NLGN1: variants seen among roughly 807,000 people sequenced by gnomAD.
NLGN1 encodes the protein neuroligin-1.
NLGN1 carries 12 observed loss-of-function variants against 65.5 expected under a neutral mutation model. The ratio of observed to expected loss-of-function variants is 0.18; its 90% CI spans 0.12 to 0.30. NLGN1 has a LOEUF of 0.30. Ranked by LOEUF, NLGN1 falls within the 10% of genes least tolerant of loss-of-function variation. NLGN1 has a pLI of 1.00. For missense variants in NLGN1, 750 were observed against 1,007.1 expected, an observed-to-expected ratio of 0.74 and a Z score of 3.46; for synonymous variants, 350 against 359.5, an observed-to-expected ratio of 0.97 and a Z score of 0.30.
intron 2 of NLGN1, among the ~76,000 whole-genome samples, chr3:173,499,403 C>T (rs1389805977): frequency 6.6e-6 from 1 of 151,658 alleles, no homozygotes; most frequent in African/African-American, 2.4e-5. Flanking sequence ...TGTTCTGTTC[C>T]ATTGGTCTAT....
exon 7 of NLGN1, chr3:174,284,554 TATTTC>T (rs1189113610): frequency 6.6e-6 from 1 of 151,400 alleles, no homozygotes; most frequent in Non-Finnish European, 1.5e-5. Flanking sequence ...AAATGAACTT[TATTTC>T]ATTGTTTTGC....
intron 4 of NLGN1, among the ~76,000 whole-genome samples, chr3:173,996,212 A>C (rs892905944): frequency 6.6e-6 from 1 of 152,210 alleles, no homozygotes; most frequent in African/African-American, 2.4e-5. Context: ...TCTATAATTT[A>C]CATAATGGTT....
intron 3 of NLGN1, among the ~76,000 whole-genome samples, chr3:173,631,780 T>C (rs1755724040): frequency 6.6e-6 from 1 of 152,124 alleles, no homozygotes; most frequent in Admixed American, 6.6e-5. Flanking sequence ...TCTCATAAAT[T>C]TCTGGTCATT....
intron 4 of NLGN1, among the ~76,000 whole-genome samples, chr3:174,031,229 T>C (rs1366359578): frequency 6.6e-6 from 1 of 152,118 alleles, no homozygotes; most frequent in African/African-American, 2.4e-5. Context: ...CAGAGGCTTA[T>C]CCCAGTGAAG....
At chr3:173,725,904 C>A (rs573265175) in intron 3 of NLGN1, among the ~76,000 whole-genome samples, 1 of 152,064 alleles carries the variant, frequency 6.6e-6, no homozygotes, top group Non-Finnish European at 1.5e-5. Context: ...TAGATGCTGC[C>A]GCTGTTCCTT....
chr3:174,112,808 G>A (rs1715529906), intron 4 of NLGN1, among the ~76,000 whole-genome samples: 1 of 151,704 alleles, frequency 6.6e-6, no homozygotes, highest in South Asian at 2.1e-4. Context: ...ACCCATTATT[G>A]ATTAAAGAAT....
At chr3:174,231,637 A>G (rs1460750517) in intron 4 of NLGN1, among the ~76,000 whole-genome samples, 2 of 152,168 alleles carry the variant, frequency 1.3e-5, no homozygotes, top group South Asian at 2.1e-4. Context: ...GGTAATTCCT[A>G]ATTCTCTGCA....
intron 3 of NLGN1, among the ~76,000 whole-genome samples, chr3:173,650,179 T>G (rs1758924748): frequency 6.6e-6 from 1 of 152,084 alleles, no homozygotes; most frequent in African/African-American, 2.4e-5. Flanking sequence ...ACACAGACCA[T>G]GAATATCCAC....
chr3:173,551,301 A>G (rs575258713), intron 2 of NLGN1, among the ~76,000 whole-genome samples: 4 of 152,344 alleles, frequency 2.6e-5, no homozygotes, highest in Non-Finnish European at 5.9e-5. Flanking sequence ...CAAACCACAA[A>G]ACTAAAGCAG....
At chr3:173,448,391 C>T (rs1363973488) in intron 2 of NLGN1, among the ~76,000 whole-genome samples, 2 of 152,188 alleles carry the variant, frequency 1.3e-5, no homozygotes, top group African/African-American at 4.8e-5. Flanking sequence ...TTGAACCAGC[C>T]TTGCATCCGA....
intron 4 of NLGN1, among the ~76,000 whole-genome samples, chr3:174,103,642 G>A (rs1713055286): frequency 6.6e-6 from 1 of 151,964 alleles, no homozygotes; most frequent in African/African-American, 2.4e-5. Context: ...TGAATCAGAG[G>A]CCTTTTGTTA....
intron 3 of NLGN1, among the ~76,000 whole-genome samples, chr3:173,701,462 A>G (rs1438706976): frequency 1.3e-5 from 2 of 152,172 alleles, no homozygotes; most frequent in Non-Finnish European, 2.9e-5. Flanking sequence ...GCCACAAATG[A>G]TAAGAAACTC....
intron 3 of NLGN1, among the ~76,000 whole-genome samples, chr3:173,665,655 G>A (rs1441995151): frequency 1.3e-5 from 2 of 151,696 alleles, no homozygotes; most frequent in African/African-American, 4.8e-5. Context: ...AATTCTATTG[G>A]GTATGTATTC....
intron 1 of NLGN1, among the ~76,000 whole-genome samples, chr3:173,424,089 C>T (rs1715645593): frequency 6.6e-6 from 1 of 152,230 alleles, no homozygotes; most frequent in Non-Finnish European, 1.5e-5. Context: ...TTGGGGCTCA[C>T]ATCCTCTGAA....
chr3:173,668,826 G>A (rs1052403470), intron 3 of NLGN1, among the ~76,000 whole-genome samples: 10 of 151,910 alleles, frequency 6.6e-5, no homozygotes, highest in Admixed American at 2.0e-4. Context: ...GTTTCACCAT[G>A]TTGGTCAGGC....
chr3:174,090,833 T>A (rs546664583), intron 4 of NLGN1, among the ~76,000 whole-genome samples: 9 of 152,186 alleles, frequency 5.9e-5, no homozygotes, highest in Admixed American at 5.2e-4. Flanking sequence ...ACCAGCAGTA[T>A]AAACATCATC....
At chr3:173,574,185 G>T (rs1244649093) in intron 2 of NLGN1, among the ~76,000 whole-genome samples, 2 of 151,196 alleles carry the variant, frequency 1.3e-5, no homozygotes, top group Non-Finnish European at 2.9e-5. Context: ...TTTAATTACC[G>T]ATTTGTTTTA....
At chr3:173,617,289 A>T (rs1320113012) in intron 3 of NLGN1, among the ~76,000 whole-genome samples, 1 of 152,010 alleles carries the variant, frequency 6.6e-6, no homozygotes, top group African/African-American at 2.4e-5. Context: ...TATTTTGTTC[A>T]TTTATGTGCT....
chr3:174,094,776 C>T (rs937791033), intron 4 of NLGN1, among the ~76,000 whole-genome samples: 8 of 128,620 alleles, frequency 6.2e-5, no homozygotes, highest in Non-Finnish European at 1.1e-4. Flanking sequence ...AAAAGTCAAG[C>T]ATATTTCAAC....
Sources: allele counts gnomAD v4.1 joint callset (sites outside exome capture counted in the v4.1 genomes callset), GRCh38; gene constraint gnomAD v4.1.1; transcripts MANE v1.5; gene names NCBI Gene and HGNC (gene_info 2026-07-23, HGNC 2026-07-21).